The following EDRF1 variants were observed in gnomAD, a reference collection of about 807,000 sequenced individuals.
EDRF1 encodes the protein erythroid differentiation regulatory factor 1.
In EDRF1, 69 loss-of-function variants were observed where a neutral mutation model predicts 148.7. That is an observed-to-expected ratio of 0.46 (90% CI 0.38 to 0.57). EDRF1 has a LOEUF of 0.57. Ranked by LOEUF, EDRF1 falls within the 20% of genes least tolerant of loss-of-function variation. The probability of loss-of-function intolerance (pLI) is 0.00; values close to 1 mark genes in which losing one functional copy is unlikely to be tolerated. For missense variants in EDRF1, 1,118 were observed against 1,478.7 expected (o/e 0.76, Z 4.00); for synonymous variants, 515 against 532.8 (o/e 0.97, Z 0.46).
Position 125,745,697 on chromosome 10 carries a change from CT to C in EDRF1, c.2591-9del. On this transcript the variant is annotated splice_polypyrimidine_tract_variant and intron_variant, in intron 18 of 24. Transcript: ENST00000356792. ...GCTTACACAGTTGTTTTCTTTCTTTCTCTGTAAAGTGAGCAAATCTGTGTCT... is the reference window on the plus strand; with the variant it reads ...GCTTACACAGTTGTTTTCTTTCTTTCCTGTAAAGTGAGCAAATCTGTGTCT... The C allele has an allele frequency of 6.2e-7, 1 of 1,611,470 alleles. No individual in the cohort carries two copies. Among genetic ancestry groups the C allele is most frequent in the Admixed American group, 1.7e-5 (1 of 59,968 alleles).
intron 24 of EDRF1, among the ~76,000 whole-genome samples, chr10:125,758,515 G>A (rs1359104605): frequency 6.6e-6 from 1 of 152,112 alleles, no homozygotes; most frequent in Middle Eastern, 3.2e-3. Flanking sequence ...GTGGGAAGTG[G>A]AATTCATTTT....
At chr10:125,740,786 T>C in intron 16 of EDRF1, 135 bp downstream of exon 16, 2 of 1,140,258 alleles carry the variant, frequency 1.8e-6, no homozygotes, top group South Asian at 2.6e-5. Flanking sequence ...CAATCCTGTG[T>C]GTGTTACCTT....
Position 125,730,196 on chromosome 10 carries a change from C to G in EDRF1, c.1017-92C>G, listed in dbSNP as rs1848429696. ...GGCATTTTCTATCTAGAGAGGACAG[C>G]TTAAGATACTTAAATGGTGAAATAA... On this transcript the variant is annotated intron_variant, in intron 8 of 24. Transcript: ENST00000356792. The G allele has an allele frequency of 2.0e-6, 2 of 1,013,362 alleles. 1 individual carries two copies. Among genetic ancestry groups the G allele is most frequent in the South Asian group, 2.7e-5 (2 of 74,592 alleles). 62.8% of individuals were successfully genotyped at this position (1,013,362 alleles called of 1,614,324 possible). A position where few individuals can be genotyped will look rare whatever the true frequency, so the allele number is the denominator to read the frequency against.
intron 18 of EDRF1, among the ~76,000 whole-genome samples, chr10:125,743,481 T>C (rs78456601): frequency 0.015 from 2,268 of 152,316 alleles, 54 homozygotes; most frequent in East Asian, 0.096. Flanking sequence ...TCTTCATTCT[T>C]ACTTTTGTAC....
At chr10:125,738,097 G>T in intron 14 of EDRF1, 108 bp downstream of exon 14, 1 of 1,360,220 alleles carries the variant, frequency 7.4e-7, no homozygotes. Context: ...GTTCTGCTGC[G>T]ATTTTTTTTT....
At chr10:125,755,242 T>C (rs1849846539) in intron 24 of EDRF1, among the ~76,000 whole-genome samples, 1 of 152,278 alleles carries the variant, frequency 6.6e-6, no homozygotes, top group South Asian at 2.1e-4. Flanking sequence ...AGTGCTTTTA[T>C]TACATTTATT....
At chr10:125,732,035 C>A in intron 9 of EDRF1, 3 of 273,766 alleles carry the variant, frequency 1.1e-5, no homozygotes, top group Non-Finnish European at 1.6e-5. Context: ...TGATTCTTAA[C>A]CTGGTTGTGC....
chr10:125,745,441 C>G (rs1234326949), intron 18 of EDRF1: 1 of 493,338 alleles, frequency 2.0e-6, no homozygotes, highest in Non-Finnish European at 3.7e-6. Flanking sequence ...CTCATTTAAT[C>G]TTAATTACGT....
chr10:125,728,178 G>C (rs1477554205), intron 6 of EDRF1, among the ~76,000 whole-genome samples: 1 of 142,126 alleles, frequency 7.0e-6, no homozygotes, highest in African/African-American at 2.5e-5. Context: ...CTCTGGCCTG[G>C]GCAACTCTGT....
At chr10:125,720,805 C>T (rs1481134477) in intron 1 of EDRF1, among the ~76,000 whole-genome samples, 5 of 62,426 alleles carry the variant, frequency 8.0e-5, no homozygotes, top group South Asian at 8.0e-4. Flanking sequence ...AGCAAGACTG[C>T]GTCTCAAAAA....
chr10:125,753,586 A>G, intron 23 of EDRF1, 108 bp from the exon 24 acceptor site: 1 of 1,218,336 alleles, frequency 8.2e-7, no homozygotes, highest in Non-Finnish European at 1.2e-6. Context: ...TGTCTTGTTT[A>G]GGGTTAAAAA....
At position 125,738,289 on chromosome 10, in the gene EDRF1, T is replaced by C; in HGVS notation, c.1831-6T>C. The C allele has an allele frequency of 6.2e-7, 1 of 1,614,116 alleles. No individual in the cohort carries two copies. Among genetic ancestry groups the C allele is most frequent in the Non-Finnish European group, 8.5e-7 (1 of 1,179,970 alleles). ...TAGATAGTGAATGCTTTTCCTTTTT[T>C]TGCAGGGTTTAAAATCTGTCGATAG... On this transcript the variant is annotated splice_polypyrimidine_tract_variant and splice_region_variant and intron_variant, in intron 14 of 24. Coordinates refer to ENST00000356792, the MANE Select transcript of EDRF1 (RefSeq NM_001202438.2).
intron 23 of EDRF1, among the ~76,000 whole-genome samples, chr10:125,753,320 C>T (rs1037247742): frequency 1.1e-4 from 16 of 152,156 alleles, no homozygotes; most frequent in Non-Finnish European, 1.8e-4. Context: ...AGGAATTTCT[C>T]GTTTTCTGGG....
At chr10:125,746,375 G>C (rs927187041) in intron 19 of EDRF1, among the ~76,000 whole-genome samples, 1 of 152,054 alleles carries the variant, frequency 6.6e-6, no homozygotes, top group African/African-American at 2.4e-5. Flanking sequence ...AAAAAATAAA[G>C]ATCTAAAAAT....
At chr10:125,725,917 A>G in intron 6 of EDRF1, 79 bp downstream of exon 6, 5 of 1,397,852 alleles carry the variant, frequency 3.6e-6, no homozygotes, top group South Asian at 1.2e-5. Context: ...AAAAAAAAAA[A>G]GATGAACAGG....
At chr10:125,723,021 A>T (rs760428103) in intron 2 of EDRF1, 47 bp from the exon 3 acceptor site, 1 of 1,414,990 alleles carries the variant, frequency 7.1e-7, no homozygotes, top group Non-Finnish European at 1.0e-6. Context: ...TACTTGCATG[A>T]TTATGAGCAT....
Position 125,753,005 on chromosome 10 carries a change from G to GTA in EDRF1, c.3393+98_3393+99dup, listed in dbSNP as rs1033225080. ...TGGACGTGTGTGTGTATGTGTGTGG[G>GTA]TATATATACACACATGTACATATGT... is the stretch of plus-strand genomic sequence containing the variant. On this transcript the variant is annotated intron_variant, in intron 23 of 24. Transcript: ENST00000356792. 22 of 840,824 alleles carry GTA rather than the reference G, an allele frequency of 2.6e-5. No homozygotes were observed. In the Middle Eastern group the frequency reaches 2.0e-3, roughly 75 times the overall value. The allele number at this position is 840,824 out of a possible 1,614,324, so 52.1% of individuals were successfully genotyped here.
rs1162688981 is a variant in EDRF1 at position 125,747,668 on chromosome 10, C to T, written c.2947C>T (p.Pro983Ser). The T allele has an allele frequency of 1.2e-6, 2 of 1,614,148 alleles. No homozygotes were observed. The highest frequency in any genetic ancestry group is 1.7e-6 in the Non-Finnish European group (2 of 1,180,022). ...GGCAACTCTACAGCAAGATTATGCT[C>T]CGTTATCTAGAAAAGCTCAGGAGCA... Reference protein sequence around the residue: ...TMATLQQDYAPLSRKAQEQIE... With the variant: ...TMATLQQDYASLSRKAQEQIE... The change falls in exon 20 of 25, where the codon CCG becomes TCG. Residue 983 changes from proline (P) to serine (S), a missense_variant. Transcript: ENST00000356792.
At chr10:125,744,475 C>T (rs924733685) in intron 18 of EDRF1, among the ~76,000 whole-genome samples, 1 of 152,302 alleles carries the variant, frequency 6.6e-6, no homozygotes, top group East Asian at 1.9e-4. Flanking sequence ...TGAGCCACTG[C>T]ACCCAGCCTG....
Sources: gnomAD v4.1 joint callset for allele counts (sites outside exome capture counted in the v4.1 genomes callset) on GRCh38, gnomAD v4.1.1 for gene constraint, MANE v1.5 for transcripts, NCBI Gene and HGNC (gene_info 2026-07-23, HGNC 2026-07-21) for gene names.